Variants in TCP11L2 observed in about 807,000 individuals in gnomAD.
The protein encoded by TCP11L2 is T-complex protein 11-like protein 2.
Under a neutral mutation model 50.7 loss-of-function variants are expected in TCP11L2, and 39 were observed. The ratio of observed to expected loss-of-function variants is 0.77; its 90% CI spans 0.60 to 1.01. The LOEUF (loss-of-function observed/expected upper bound fraction) is 1.01. TCP11L2 is among the 50% of genes least tolerant of loss of function. The pLI, the probability that TCP11L2 is intolerant of heterozygous loss-of-function variation, is 0.00. For missense variants in TCP11L2, 612 were observed against 614.7 expected (o/e 1.00, Z 0.05); for synonymous variants, 192 against 219.3 (o/e 0.88, Z 1.10).
chr12:106,310,918 T>C, intron 1 of TCP11L2, 123 bp from the exon 2 acceptor site: 1 of 805,938 alleles, frequency 1.2e-6, no homozygotes, highest in Admixed American at 2.8e-5. Context: ...AAGGATGAGG[T>C]CATCTGGGGG....
Position 106,321,503 on chromosome 12 carries a change from C to T in TCP11L2, c.432C>T (p.Leu144=). The change falls in exon 5 of 10, where the codon CTC becomes CTT. Residue 144 remains leucine (L), a synonymous_variant. Coordinates refer to ENST00000299045, the MANE Select transcript of TCP11L2 (RefSeq NM_152772.3). ...CCCTGTAGATTCTTCTCTCTTTTCT[C>T]ACTCCCGGTGGCAACCGGCTTCGCA... The part of the protein sequence containing the change: ...EEIREILLSF[L]TPGGNRLRNQ... 6.2e-7 allele frequency: 1 copy of T among 1,613,838 alleles called. No individual in the cohort carries two copies. The highest frequency in any genetic ancestry group is 8.5e-7 in the Non-Finnish European group (1 of 1,179,812).
At chr12:106,303,502 C>G (rs1185441721) in intron 1 of TCP11L2, 2 of 152,408 alleles carry the variant, frequency 1.3e-5, no homozygotes, top group Non-Finnish European at 1.5e-5. Flanking sequence ...TGGGTGAGGT[C>G]GTGCAGACTG....
At chr12:106,302,416 T>TCGG (rs1488056954), upstream of TCP11L2, among the ~76,000 whole-genome samples, 2 of 115,920 alleles carry the variant, frequency 1.7e-5, no homozygotes, top group Admixed American at 8.9e-5. Context: ...CAGCCCCCGC[T>TCGG]CCCCCACTCG....
intron 6 of TCP11L2, chr12:106,330,256 TAAG>T: frequency 2.0e-6 from 2 of 985,120 alleles, no homozygotes; most frequent in Non-Finnish European, 2.4e-6. Flanking sequence ...GTTCATGATG[TAAG>T]AGACATTTTA....
At chr12:106,329,926 G>A in intron 6 of TCP11L2, 2 of 985,874 alleles carry the variant, frequency 2.0e-6, no homozygotes, top group Non-Finnish European at 2.4e-6. Flanking sequence ...GGGTGGTGTT[G>A]CTTTAGTGTG....
chr12:106,313,163 A>G (rs2136644168), intron 2 of TCP11L2, among the ~76,000 whole-genome samples: 1 of 152,278 alleles, frequency 6.6e-6, no homozygotes, highest in Middle Eastern at 3.4e-3. Flanking sequence ...AAATTATCTC[A>G]TTCGGTCACC....
intron 9 of TCP11L2, among the ~76,000 whole-genome samples, chr12:106,342,454 A>G (rs2036117865): frequency 6.6e-6 from 1 of 152,180 alleles, no homozygotes; most frequent in African/African-American, 2.4e-5. Flanking sequence ...TCCTCAGAGC[A>G]TGTTGTCCCC....
At chr12:106,304,860 G>A (rs985481333) in intron 1 of TCP11L2, among the ~76,000 whole-genome samples, 1 of 152,198 alleles carries the variant, frequency 6.6e-6, no homozygotes, top group African/African-American at 2.4e-5. Flanking sequence ...CTCCCTCCTA[G>A]AGGATTTTCT....
At chr12:106,302,604 C>T (rs1392972616), upstream of TCP11L2, among the ~76,000 whole-genome samples, 1 of 151,768 alleles carries the variant, frequency 6.6e-6, no homozygotes, top group Non-Finnish European at 1.5e-5. Context: ...CCGAGCTGTT[C>T]TCGGCCTCTC....
At chr12:106,315,344 A>G (rs2035036142) in intron 3 of TCP11L2, among the ~76,000 whole-genome samples, 1 of 152,196 alleles carries the variant, frequency 6.6e-6, no homozygotes, top group Admixed American at 6.5e-5. Context: ...TTTTTCTGAC[A>G]TTGGTGAACC....
Position 106,346,741 on chromosome 12 carries a change from A to T in TCP11L2, c.*211A>T, listed in dbSNP as rs1260926077. The T allele has an allele frequency of 2.1e-6, 1 of 479,332 alleles. No homozygotes were observed. Among genetic ancestry groups the T allele is most frequent in the Admixed American group, 3.7e-5 (1 of 26,858 alleles). 29.7% of individuals were successfully genotyped at this position (479,332 alleles called of 1,614,324 possible). A position where few individuals can be genotyped will look rare whatever the true frequency, so the allele number is the denominator to read the frequency against. Reference sequence around the variant, plus strand: ...AACATCACATAGACCCTATTTGTGCATCATTTTCAAGTTTAAAACAAATAT... The same window carrying T: ...AACATCACATAGACCCTATTTGTGCTTCATTTTCAAGTTTAAAACAAATAT... On this transcript the variant is annotated 3_prime_UTR_variant, in exon 10 of 10. Transcript: ENST00000299045.
At chr12:106,333,211 C>T (rs1272662552) in intron 6 of TCP11L2, among the ~76,000 whole-genome samples, 2 of 152,150 alleles carry the variant, frequency 1.3e-5, no homozygotes, top group Non-Finnish European at 2.9e-5. Flanking sequence ...AAGATGCTGT[C>T]CTTGGGGGCA....
upstream of TCP11L2, among the ~76,000 whole-genome samples, chr12:106,300,327 G>A (rs2136564945): frequency 6.6e-6 from 1 of 152,078 alleles, no homozygotes; most frequent in East Asian, 1.9e-4. Context: ...TCAAAGTGTT[G>A]TTTTTGTTTT....
chr12:106,330,041 A>G (rs1338841692), intron 6 of TCP11L2: 1 of 985,318 alleles, frequency 1.0e-6, no homozygotes. Context: ...TTTCTTGGCA[A>G]TTGTCACCTT....
intron 2 of TCP11L2, among the ~76,000 whole-genome samples, chr12:106,313,344 G>A (rs949878376): frequency 2.6e-5 from 4 of 152,104 alleles, no homozygotes; most frequent in African/African-American, 9.7e-5. Flanking sequence ...CAGCACTTTG[G>A]CCAAGGCAGG....
intron 4 of TCP11L2, 53 bp downstream of exon 4, chr12:106,318,517 T>G (rs1209381046): frequency 1.2e-6 from 2 of 1,604,266 alleles, no homozygotes; most frequent in African/African-American, 2.7e-5. Flanking sequence ...GGTGGGCTGC[T>G]ATAACAGACT....
rs6539265 is a variant in TCP11L2 at position 106,346,951 on chromosome 12, G to A, written c.*421G>A. The stretch of plus-strand genomic sequence containing the variant: ...AACTCCTTAAAGGGTTGAAGGTTGT[G>A]ACAATAACTGAGGGAACTGATGTTC... On this transcript the variant is annotated 3_prime_UTR_variant, in exon 10 of 10. Coordinates refer to ENST00000299045, the MANE Select transcript of TCP11L2 (RefSeq NM_152772.3). The A allele has an allele frequency of 3.6e-3, 565 of 155,988 alleles. 2 individuals are homozygous for A. Among genetic ancestry groups the A allele is most frequent in the African/African-American group, 0.013 (533 of 41,668 alleles). The allele number at this position is 155,988 out of a possible 1,614,324, so 9.7% of individuals were successfully genotyped here.
At chr12:106,312,555 T>C (rs1565840056) in intron 2 of TCP11L2, 1 of 443,428 alleles carries the variant, frequency 2.3e-6, no homozygotes, top group East Asian at 1.5e-4. Flanking sequence ...CTCTTCTTCC[T>C]CCTCTTTCCC....
chr12:106,301,396 A>T (rs115762270), upstream of TCP11L2, among the ~76,000 whole-genome samples: 1,582 of 152,298 alleles, frequency 0.01, 31 homozygotes, highest in African/African-American at 0.036. Flanking sequence ...CACATGCTTT[A>T]TTTCACTTTA....
Sources: gnomAD v4.1 joint callset for allele counts (sites outside exome capture counted in the v4.1 genomes callset) on GRCh38, gnomAD v4.1.1 for gene constraint, MANE v1.5 for transcripts, NCBI Gene and HGNC (gene_info 2026-07-23, HGNC 2026-07-21) for gene names.